Variants in SPATA13 observed in about 807,000 individuals in gnomAD.
SPATA13 encodes spermatogenesis-associated protein 13.
Under a neutral mutation model 104.0 loss-of-function variants are expected in SPATA13, and 50 were observed. The ratio of observed to expected loss-of-function variants is 0.48; its 90% CI spans 0.38 to 0.61. The LOEUF is 0.61. Ranked by LOEUF, SPATA13 falls within the 20% of genes least tolerant of loss-of-function variation. SPATA13 has a pLI of 0.00. For synonymous variants in SPATA13, 606 were observed against 667.5 expected, an observed-to-expected ratio of 0.91 and a Z score of 1.42; for missense variants, 1,524 against 1,690.6, an observed-to-expected ratio of 0.90 and a Z score of 1.73.
intron 2 of SPATA13, among the ~76,000 whole-genome samples, chr13:23,990,127 A>T (rs1205645195): frequency 1.3e-5 from 2 of 152,168 alleles, no homozygotes; most frequent in African/African-American, 4.8e-5. Context: ...GCACCTGGTC[A>T]CCACCATCTT....
intron 3 of SPATA13, among the ~76,000 whole-genome samples, chr13:24,094,478 G>A (rs1428646611): frequency 6.6e-6 from 1 of 152,210 alleles, no homozygotes; most frequent in Non-Finnish European, 1.5e-5. Context: ...AAGGCAGAAT[G>A]GCATCTGCCA....
At chr13:24,251,021 A>G (rs1046811631) in intron 3 of SPATA13, among the ~76,000 whole-genome samples, 6 of 152,260 alleles carry the variant, frequency 3.9e-5, no homozygotes, top group Non-Finnish European at 7.3e-5. Context: ...AATAAACAAA[A>G]GAAGAAAAAA....
chr13:24,297,639 G>A lies in SPATA13; in HGVS notation c.3487G>A (p.Val1163Ile). Residue 1163 changes from valine (V) to isoleucine (I), a missense_variant, in exon 11 of 13, where the codon GTT (valine) becomes ATT (isoleucine). Physicochemically the swap from Val to Ile is conservative, Grantham distance 29 (BLOSUM62 3). Coordinates refer to ENST00000382108, the MANE Select transcript of SPATA13 (RefSeq NM_001166271.3). ...FKLVSRTTDEVYLFCAKKQED... is the reference protein window; with the variant it reads ...FKLVSRTTDEIYLFCAKKQED... Reference sequence around the variant, plus strand: ...GCTCGTCAGTAGGACCACAGACGAGGTTTATTTGTTTTGTGCCAAAAAACA... The same window carrying A: ...GCTCGTCAGTAGGACCACAGACGAGATTTATTTGTTTTGTGCCAAAAAACA... The A allele has an allele frequency of 6.2e-7, 1 of 1,614,240 alleles. No individual in the cohort carries two copies. The highest frequency in any genetic ancestry group is 8.5e-7 in the Non-Finnish European group (1 of 1,180,058).
chr13:24,288,436 T>C (rs755127405), intron 7 of SPATA13, among the ~76,000 whole-genome samples: 1 of 152,212 alleles, frequency 6.6e-6, no homozygotes, highest in African/African-American at 2.4e-5. Flanking sequence ...TTTCTTCTTA[T>C]CCCACTAGCT....
chr13:24,157,662 C>T (rs1244908295), upstream of SPATA13, among the ~76,000 whole-genome samples: 1 of 152,058 alleles, frequency 6.6e-6, no homozygotes, highest in African/African-American at 2.4e-5. Flanking sequence ...TATAGGAGCT[C>T]CTCAAAGAAA....
intron 4 of SPATA13, among the ~76,000 whole-genome samples, chr13:24,282,670 T>C (rs1430384185): frequency 1.3e-5 from 2 of 152,178 alleles, no homozygotes; most frequent in Non-Finnish European, 2.9e-5. Context: ...CAGCTCTTCC[T>C]CCACGTCGTA....
At chr13:24,217,914 C>T (rs1299792510) in intron 1 of SPATA13, among the ~76,000 whole-genome samples, 2 of 152,206 alleles carry the variant, frequency 1.3e-5, no homozygotes, top group African/African-American at 2.4e-5. Flanking sequence ...TGCCCACTGC[C>T]AAACCTGGAC....
intron 2 of SPATA13, among the ~76,000 whole-genome samples, 200 bp from the exon 3 acceptor site, chr13:24,249,277 G>A (rs1873337963): frequency 6.6e-6 from 1 of 152,208 alleles, no homozygotes; most frequent in African/African-American, 2.4e-5. Context: ...TATTGAATCA[G>A]CCTATAAGAA....
chr13:24,253,561 C>T (rs1000908862), intron 4 of SPATA13, among the ~76,000 whole-genome samples: 2 of 152,302 alleles, frequency 1.3e-5, no homozygotes, highest in South Asian at 4.1e-4. Context: ...GAGAATAAAA[C>T]GTCATGCAAA....
chr13:24,034,174 T>C (rs1877594615), intron 3 of SPATA13: 1 of 152,168 alleles, frequency 6.6e-6, no homozygotes, highest in Non-Finnish European at 1.5e-5. Context: ...TGATGGGGAA[T>C]TCCTGGAATT....
chr13:23,997,094 T>C (rs982692024), intron 2 of SPATA13, among the ~76,000 whole-genome samples: 5 of 152,224 alleles, frequency 3.3e-5, no homozygotes, highest in African/African-American at 7.2e-5. Flanking sequence ...TCAGTCACGA[T>C]TGATAGAAAT....
intron 10 of SPATA13, 132 bp downstream of exon 10, chr13:24,295,000 T>A: frequency 2.3e-5 from 20 of 863,910 alleles, no homozygotes; most frequent in Non-Finnish European, 3.3e-5. Flanking sequence ...ATACCATTAA[T>A]GGTAAATGTA....
chr13:24,247,532 T>A (rs1873213856), intron 2 of SPATA13, among the ~76,000 whole-genome samples: 1 of 126,778 alleles, frequency 7.9e-6, no homozygotes. Flanking sequence ...CGGGCTGGAG[T>A]GCAGTGGTGC....
chr13:23,985,649 C>A (rs1283962703), intron 2 of SPATA13, among the ~76,000 whole-genome samples: 1 of 152,208 alleles, frequency 6.6e-6, no homozygotes, highest in Non-Finnish European at 1.5e-5. Context: ...ATAAGAGGGA[C>A]TGGGCTGAAG....
Position 24,297,465 on chromosome 13 carries a change from G to A in SPATA13, c.3313G>A (p.Asp1105Asn). 1 of 1,614,172 alleles carries A rather than the reference G, an allele frequency of 6.2e-7. No homozygotes were observed. Among genetic ancestry groups the A allele is most frequent in the East Asian group, 2.2e-5 (1 of 44,874 alleles). ...CCAGCAGCGGACGTTCTTCCTGTTTGACCACCAGCTGGTGTCCTGCAAGAA... is the reference window on the plus strand; with the variant it reads ...CCAGCAGCGGACGTTCTTCCTGTTTAACCACCAGCTGGTGTCCTGCAAGAA... ...KSQQRTFFLF[D>N]HQLVSCKKDL... Residue 1105 changes from aspartate to asparagine, a missense_variant, in exon 11 of 13, where the codon GAC (aspartate) becomes AAC (asparagine). By Grantham distance (23) the Asp-to-Asn change is conservative (BLOSUM62 1). Around this residue, in one of 2 missense-constraint regions of SPATA13, gnomAD observed 435 missense variants for 554.8 expected, o/e 0.78. Transcript: ENST00000382108.
At chr13:24,115,936 T>G (rs988946086) in intron 3 of SPATA13, among the ~76,000 whole-genome samples, 69 of 152,172 alleles carry the variant, frequency 4.5e-4, no homozygotes, top group African/African-American at 1.6e-3. Flanking sequence ...GTAGCTGGCT[T>G]CTCCAGAGCA....
chr13:24,176,821 C>T (rs1868462712), intron 1 of SPATA13, among the ~76,000 whole-genome samples: 1 of 152,082 alleles, frequency 6.6e-6, no homozygotes, highest in Non-Finnish European at 1.5e-5. Flanking sequence ...TGGTGTCTTG[C>T]TGTGTCACCC....
intron 3 of SPATA13, among the ~76,000 whole-genome samples, chr13:24,055,998 G>T (rs1016386348): frequency 1.3e-5 from 2 of 152,202 alleles, no homozygotes; most frequent in Admixed American, 1.3e-4. Context: ...AGCATCAGTG[G>T]TTCAAGTGAC....
intron 3 of SPATA13, among the ~76,000 whole-genome samples, chr13:24,058,970 G>A (rs1593304280): frequency 7.7e-6 from 1 of 130,184 alleles, no homozygotes; most frequent in Admixed American, 7.8e-5. Flanking sequence ...ATTGTTTTTT[G>A]TTTTGTTTTG....
Sources: allele counts gnomAD v4.1 joint callset (sites outside exome capture counted in the v4.1 genomes callset), GRCh38; gene constraint gnomAD v4.1.1; regional missense constraint gnomAD v4.1.1; transcripts MANE v1.5; gene names NCBI Gene and HGNC (gene_info 2026-07-23, HGNC 2026-07-21).